PCNX2: variants seen among roughly 807,000 people sequenced by gnomAD.
The protein encoded by PCNX2 is pecanex 2.
A neutral mutation model predicts 223.8 loss-of-function variants in PCNX2; 168 were observed. That is an observed-to-expected ratio of 0.75 (90% CI 0.66 to 0.85). PCNX2 has a LOEUF of 0.85. PCNX2 is among the 40% of genes least tolerant of loss of function. The pLI, the probability that PCNX2 is intolerant of heterozygous loss-of-function variation, is 0.00. For synonymous variants in PCNX2, 1,006 were observed against 1,052.6 expected, an observed-to-expected ratio of 0.96 and a Z score of 0.86; for missense variants, 2,507 against 2,675.5, an observed-to-expected ratio of 0.94 and a Z score of 1.39.
intron 21 of PCNX2, among the ~76,000 whole-genome samples, chr1:233,117,613 A>AAC (rs199827659): frequency 0.017 from 2,481 of 149,196 alleles, 31 homozygotes; most frequent in East Asian, 0.042. Flanking sequence ...GAAAAAAAAA[A>AAC]AAAAGACCAC....
At chr1:233,318,563 C>CTTTTTTTTTTTTTTTTTTT in the PCNX2 span, among the ~76,000 whole-genome samples, 5 of 92,502 alleles carry the variant, frequency 5.4e-5, no homozygotes, top group Admixed American at 1.3e-4. Context: ...TTTTCTTTTT[C>CTTTTTTTTTTTTTTTTTTT]TTTTTTTTTT....
intron 19 of PCNX2, among the ~76,000 whole-genome samples, chr1:233,149,788 G>C (rs1677686096): frequency 6.6e-6 from 1 of 151,922 alleles, no homozygotes; most frequent in Non-Finnish European, 1.5e-5. Flanking sequence ...TGAACCCATG[G>C]TCCACCATTT....
intron 21 of PCNX2, among the ~76,000 whole-genome samples, chr1:233,119,767 T>C (rs1162194825): frequency 6.6e-6 from 1 of 152,094 alleles, no homozygotes; most frequent in East Asian, 1.9e-4. Flanking sequence ...TTCACTAAAA[T>C]TAAAACTTTT....
chr1:233,099,482 G>A (rs555329707), intron 21 of PCNX2, among the ~76,000 whole-genome samples: 19 of 152,264 alleles, frequency 1.2e-4, no homozygotes, highest in Non-Finnish European at 2.2e-4. Context: ...GATGACACTC[G>A]AGGGATCTCA....
At chr1:233,129,491 G>T (rs533350038) in intron 21 of PCNX2, among the ~76,000 whole-genome samples, 1 of 152,346 alleles carries the variant, frequency 6.6e-6, no homozygotes, top group African/African-American at 2.4e-5. Flanking sequence ...TCGCCCAAGG[G>T]CTGAAGAGTG....
intron 23 of PCNX2, chr1:233,058,120 T>C: frequency 1.1e-6 from 1 of 899,776 alleles, no homozygotes; most frequent in Non-Finnish European, 1.3e-6. Flanking sequence ...TATTCCATCA[T>C]GTAAACACCC....
chr1:233,211,717 C>A (rs1681828338), intron 12 of PCNX2: 1 of 941,406 alleles, frequency 1.1e-6, no homozygotes, highest in Non-Finnish European at 1.3e-6. Flanking sequence ...GGGAGGCATG[C>A]ATGTGGCACT....
intron 25 of PCNX2, among the ~76,000 whole-genome samples, chr1:233,041,357 C>T (rs576010289): frequency 8.5e-5 from 13 of 152,276 alleles, no homozygotes; most frequent in Non-Finnish European, 1.6e-4. Context: ...AAATCCGAAA[C>T]CTTTTGAGCA....
At chr1:233,070,674 T>TA (rs61493841) in intron 23 of PCNX2, among the ~76,000 whole-genome samples, 18,601 of 146,464 alleles carry the variant, frequency 0.13, 1,216 homozygotes, top group East Asian at 0.21. Context: ...ATTCATGATT[T>TA]AAAAAAAAAA....
intron 22 of PCNX2, among the ~76,000 whole-genome samples, chr1:233,091,600 G>GTGCA (rs1673873641): frequency 6.6e-6 from 1 of 151,902 alleles, no homozygotes; most frequent in Non-Finnish European, 1.5e-5. Context: ...AGGCATTGTG[G>GTGCA]TGCACACCTG....
chr1:233,275,718 T>C (rs567177587), intron 1 of PCNX2, among the ~76,000 whole-genome samples: 126 of 152,214 alleles, frequency 8.3e-4, no homozygotes, highest in African/African-American at 3.0e-3. Flanking sequence ...CCCATGTACA[T>C]AGCAGCATTA....
Position 233,000,413 on chromosome 1 carries a change from C to A in PCNX2, c.5220G>T (p.Leu1740=), listed in dbSNP as rs1157647814. 1.2e-6 allele frequency: 2 copies of A among 1,606,154 alleles called. No homozygotes were observed. The highest frequency in any genetic ancestry group is 8.5e-7 in the Non-Finnish European group (1 of 1,174,984). ...EGDPAWRGAV[L]SNKEELLTLR... ...GGGTGAGCAGCTCTTCCTTGTTGGACAGCACTGCGCCCCGCCAGGCCGGGT... is the reference window on the plus strand; with the variant it reads ...GGGTGAGCAGCTCTTCCTTGTTGGAAAGCACTGCGCCCCGCCAGGCCGGGT... Residue 1740 remains leucine, a synonymous_variant, in exon 30 of 34, where the codon CTG becomes CTT. Coordinates refer to ENST00000258229, the MANE Select transcript of PCNX2 (RefSeq NM_014801.4). The surrounding 1 kb of genome is among the most constrained non-coding windows in gnomAD (Gnocchi z 4.6).
intron 19 of PCNX2, among the ~76,000 whole-genome samples, chr1:233,141,775 G>GTA (rs1338818845): frequency 0.014 from 1,073 of 79,018 alleles, 14 homozygotes; most frequent in African/African-American, 0.071. Context: ...ATATGTATAT[G>GTA]TGTGTGTGTG....
chr1:233,061,690 A>G (rs1339387559), intron 23 of PCNX2, among the ~76,000 whole-genome samples: 1 of 152,188 alleles, frequency 6.6e-6, no homozygotes, highest in Non-Finnish European at 1.5e-5. Flanking sequence ...AGCAACCAAC[A>G]ACTTTGAGTT....
intron 33 of PCNX2, 133 bp downstream of exon 33, chr1:232,985,959 C>T (rs1669457598): frequency 1.0e-6 from 1 of 988,750 alleles, no homozygotes. Context: ...CTTTGTCACT[C>T]TGGGAGCCCC....
At chr1:233,251,345 T>C (rs1422591257) in intron 7 of PCNX2, among the ~76,000 whole-genome samples, 1 of 152,216 alleles carries the variant, frequency 6.6e-6, no homozygotes. Flanking sequence ...TGTGTCAGTC[T>C]GTTAATGAGG....
intron 1 of PCNX2, among the ~76,000 whole-genome samples, chr1:233,287,424 G>A (rs1661509251): frequency 6.6e-6 from 1 of 152,170 alleles, no homozygotes; most frequent in Non-Finnish European, 1.5e-5. Flanking sequence ...CCCAATGGGA[G>A]GTAATTGAGC....
intron 23 of PCNX2, among the ~76,000 whole-genome samples, chr1:233,069,403 T>C (rs1672752974): frequency 6.6e-6 from 1 of 152,182 alleles, no homozygotes; most frequent in Admixed American, 6.5e-5. Context: ...AATGGTAGAC[T>C]ACACATTCTT....
chr1:233,054,409 C>T lies in PCNX2; in HGVS notation c.4210G>A (p.Asp1404Asn), dbSNP rs766948740. 1 of 1,613,870 alleles carries T rather than the reference C, an allele frequency of 6.2e-7. No homozygotes were observed. Among genetic ancestry groups the T allele is most frequent in the Non-Finnish European group, 8.5e-7 (1 of 1,179,820 alleles). The part of the protein sequence containing the change: ...TRTLQESLCG[D>N]LVLGRWGNYS... ...TTGCCCCAACGTCCAAGAACTAAGT[C>T]TCCACAGAGGGACTCCTGGAGGGTC... Residue 1404 changes from aspartate (D) to asparagine (N), a missense_variant, in exon 25 of 34, where the codon GAC becomes AAC. Physicochemically the swap from Asp to Asn is conservative, Grantham distance 23. Around this residue, in one of 3 missense-constraint regions of PCNX2, gnomAD observed 1,372 missense variants for 1,509.4 expected, o/e 0.91. Transcript: ENST00000258229.
Sources: gnomAD v4.1 joint callset for allele counts (sites outside exome capture counted in the v4.1 genomes callset) on GRCh38, gnomAD v4.1.1 for gene constraint, gnomAD v4.1.1 regional missense constraint, Gnocchi (gnomAD v3.1) non-coding constraint, MANE v1.5 for transcripts, NCBI Gene and HGNC (gene_info 2026-07-23, HGNC 2026-07-21) for gene names.